Variants in AGAP1 observed in about 807,000 individuals in gnomAD.
AGAP1 encodes ArfGAP with GTPase domain, ankyrin repeat and PH domain 1.
Under a neutral mutation model 105.3 loss-of-function variants are expected in AGAP1, and 29 were observed. The ratio of observed to expected loss-of-function variants is 0.28; its 90% confidence interval spans 0.21 to 0.38. The LOEUF (loss-of-function observed/expected upper bound fraction) is 0.38. Ranked by LOEUF, AGAP1 falls within the 10% of genes least tolerant of loss-of-function variation. AGAP1 has a pLI of 1.00. For synonymous variants in AGAP1, 509 were observed against 485.9 expected (o/e 1.05, Z -0.63); for missense variants, 998 against 1,165.1 (o/e 0.86, Z 2.09).
At chr2:235,773,600 C>T (rs1026446537) in intron 6 of AGAP1, among the ~76,000 whole-genome samples, 8 of 152,156 alleles carry the variant, frequency 5.3e-5, no homozygotes, top group Admixed American at 3.9e-4. Flanking sequence ...CAGCGTGAAT[C>T]GGCCTTAGGT....
chr2:235,527,256 A>G (rs1942874442), intron 1 of AGAP1, among the ~76,000 whole-genome samples: 1 of 152,194 alleles, frequency 6.6e-6, no homozygotes, highest in Non-Finnish European at 1.5e-5. Context: ...GGCTGCTTAG[A>G]CATTTAAATT....
rs374000863 is a variant in AGAP1 at position 235,959,772 on chromosome 2, C to G, written c.1484-8690C>G. On this transcript the variant is annotated intron_variant, in intron 12 of 17. Transcript: ENST00000304032. The surrounding 1 kb of genome is among the most constrained non-coding windows in gnomAD (Gnocchi z 7.3). Reference sequence around the variant, plus strand: ...CCCACAGGCAAGCATCTGGAACTAGCACCAGAGCTTCCTCCTGTCAAAGCT... The same window carrying G: ...CCCACAGGCAAGCATCTGGAACTAGGACCAGAGCTTCCTCCTGTCAAAGCT... Among the ~76,000 whole-genome samples, 30 of 152,334 alleles carry G rather than the reference C, an allele frequency of 2.0e-4. No individual in the cohort carries two copies. In the East Asian group the frequency reaches 5.6e-3, roughly 28 times the overall value.
At chr2:235,853,230 G>C (rs1009560750) in intron 9 of AGAP1, 2 of 1,013,244 alleles carry the variant, frequency 2.0e-6, no homozygotes, top group Non-Finnish European at 2.4e-6. Flanking sequence ...GCGTTTTATA[G>C]ACTGGATGAG....
intron 1 of AGAP1, among the ~76,000 whole-genome samples, chr2:235,558,124 C>T (rs1944030247): frequency 6.6e-6 from 1 of 152,138 alleles, no homozygotes; most frequent in South Asian, 2.1e-4. Flanking sequence ...TGGAAGGGGC[C>T]TTTCTGTGTG....
Position 235,744,951 on chromosome 2 carries a change from C to A in AGAP1, c.538+112C>A. 7.5e-7 allele frequency: 1 copy of A among 1,324,946 alleles called. No homozygotes were observed. Among genetic ancestry groups the A allele is most frequent in the Non-Finnish European group, 1.0e-6 (1 of 980,768 alleles). 82.1% of individuals were successfully genotyped at this position (1,324,946 alleles called of 1,614,324 possible). ...AGAAGGAAAAATTGCCTACTGAACG[C>A]TCACTTTTTTGGGAAAAATTATGGA... is the stretch of plus-strand genomic sequence containing the variant. On this transcript the variant is annotated intron_variant, in intron 5 of 17. Transcript: ENST00000304032. This position sits in a 1 kb window ranked among gnomAD's most constrained non-coding sequence, Gnocchi z 5.2.
In AGAP1 at chr2:235,882,771, G is replaced by C. The variant is rs13399472; in HGVS notation, c.1051-574G>C. 6.6e-6 allele frequency among the ~76,000 whole-genome samples: 1 copy of C among 151,888 alleles called. No homozygotes were observed. The highest frequency in any genetic ancestry group is 1.5e-5 in the Non-Finnish European group (1 of 67,976). On this transcript the variant is annotated intron_variant, in intron 9 of 17. Coordinates refer to ENST00000304032, the MANE Select transcript of AGAP1 (RefSeq NM_001037131.3). The surrounding 1 kb of genome is among the most constrained non-coding windows in gnomAD (Gnocchi z 4.6). ...ATTACAGGCGTGAGCCACCGTGCCCGGCCTGGTTAATGCAGTTTTTTTAGT... is the reference window on the plus strand; with the variant it reads ...ATTACAGGCGTGAGCCACCGTGCCCCGCCTGGTTAATGCAGTTTTTTTAGT...
chr2:235,842,312 T>C lies in AGAP1; in HGVS notation c.1050+34981T>C, dbSNP rs1450262772. 2.0e-5 allele frequency among the ~76,000 whole-genome samples: 3 copies of C among 152,240 alleles called. No homozygotes were observed. Among genetic ancestry groups the C allele is most frequent in the Admixed American group, 2.0e-4 (3 of 15,288 alleles). On this transcript the variant is annotated intron_variant, in intron 9 of 17. Transcript: ENST00000304032. This position sits in a 1 kb window ranked among gnomAD's most constrained non-coding sequence, Gnocchi z 5.3. Reference sequence around the variant, plus strand: ...AGTTAACGTTTCCTTCAGATATGAATGTAGGCAACGATCCACAGTGGTGTT... The same window carrying C: ...AGTTAACGTTTCCTTCAGATATGAACGTAGGCAACGATCCACAGTGGTGTT...
chr2:235,920,502 G>A (rs1315786279), intron 11 of AGAP1, among the ~76,000 whole-genome samples: 1 of 151,968 alleles, frequency 6.6e-6, no homozygotes, highest in Non-Finnish European at 1.5e-5. Flanking sequence ...TGACAACATT[G>A]GCATCGCTCT....
rs1949610895 is a variant in AGAP1 at position 235,689,062 on chromosome 2, T to C, written c.164-20117T>C. 6.6e-6 allele frequency among the ~76,000 whole-genome samples: 1 copy of C among 152,148 alleles called. No homozygotes were observed. The highest frequency in any genetic ancestry group is 1.5e-5 in the Non-Finnish European group (1 of 68,024). On this transcript the variant is annotated intron_variant, in intron 1 of 17. Transcript: ENST00000304032. This position sits in a 1 kb window ranked among gnomAD's most constrained non-coding sequence, Gnocchi z 4.2. Reference sequence around the variant, plus strand: ...CCCATAAATCTATAAGATTGATTGATTGGTTATCTGTAGGAGACATCTACG... The same window carrying C: ...CCCATAAATCTATAAGATTGATTGACTGGTTATCTGTAGGAGACATCTACG...
rs955073593 is a variant in AGAP1, at chr2:235,789,421, A to G, written c.674-8338A>G. Among the ~76,000 whole-genome samples the G allele has an allele frequency of 6.6e-6, 1 of 152,182 alleles. No individual in the cohort carries two copies. Among genetic ancestry groups the G allele is most frequent in the Non-Finnish European group, 1.5e-5 (1 of 68,038 alleles). ...TAGCTTCATTTCCAGCAAATTAACA[A>G]CCCTAATAGGTAATTGCGACATAAA... On this transcript the variant is annotated intron_variant, in intron 6 of 17. Transcript: ENST00000304032. This position sits in a 1 kb window ranked among gnomAD's most constrained non-coding sequence, Gnocchi z 4.2.
At chr2:235,826,197 T>C (rs1959052762) in intron 9 of AGAP1, among the ~76,000 whole-genome samples, 1 of 152,198 alleles carries the variant, frequency 6.6e-6, no homozygotes. Flanking sequence ...TGGCATGCTC[T>C]TTATCCCTCA....
intron 6 of AGAP1, among the ~76,000 whole-genome samples, chr2:235,763,498 T>C (rs2149795396): frequency 6.6e-6 from 1 of 152,318 alleles, no homozygotes; most frequent in East Asian, 1.9e-4. Context: ...GATGAGTGCT[T>C]CCGTGCATGG....
intron 1 of AGAP1, among the ~76,000 whole-genome samples, chr2:235,685,455 T>A (rs1369204691): frequency 6.6e-6 from 1 of 151,062 alleles, no homozygotes; most frequent in African/African-American, 2.4e-5. Flanking sequence ...CACCTCGATA[T>A]CCTTTTCTGC....
At chr2:235,890,424 T>TTA (rs940976834) in intron 10 of AGAP1, among the ~76,000 whole-genome samples, 36 of 152,288 alleles carry the variant, frequency 2.4e-4, no homozygotes, top group African/African-American at 8.4e-4. Context: ...AGTGCTGGGA[T>TTA]TATAGGCATG....
At chr2:235,743,034 G>A (rs1952681521) in intron 4 of AGAP1, among the ~76,000 whole-genome samples, 1 of 152,156 alleles carries the variant, frequency 6.6e-6, no homozygotes, top group Non-Finnish European at 1.5e-5. Context: ...AGGCGTGGTG[G>A]CACGTGCCTG....
At chr2:235,501,654 C>T (rs888113506) in intron 1 of AGAP1, among the ~76,000 whole-genome samples, 2 of 152,120 alleles carry the variant, frequency 1.3e-5, no homozygotes, top group African/African-American at 4.8e-5. Flanking sequence ...TATTTTGCAT[C>T]CGTTTTTCCC....
chr2:235,937,235 C>T (rs539320529), intron 12 of AGAP1, among the ~76,000 whole-genome samples: 2 of 152,204 alleles, frequency 1.3e-5, no homozygotes, highest in African/African-American at 4.8e-5. Context: ...CTGCTCGGCT[C>T]GCCAGGCTGG....
At position 235,942,344 on chromosome 2, in the gene AGAP1, G is replaced by A. The variant is rs140040056; in HGVS notation, c.1483+11421G>A. 6.6e-3 allele frequency among the ~76,000 whole-genome samples: 1,010 copies of A among 152,182 alleles called. 8 individuals are homozygous for A. The highest frequency in any genetic ancestry group is 0.022 in the African/African-American group (926 of 41,508). On this transcript the variant is annotated intron_variant, in intron 12 of 17. Transcript: ENST00000304032. ...ATTTGCTTGGCCCAGTTTTTAATCA[G>A]GTCACTTCTCATGGGCCTCAAGGCA...
chr2:236,128,075 A>AAC lies in AGAP1; in HGVS notation c.*3953_*3954insAC, dbSNP rs1197820193. ...GAGGCTGTGATGGGCACGTTTGCCA[A>AAC]CCCCCCCCCCCCAGTAGAGCCCAGG... On this transcript the variant is annotated 3_prime_UTR_variant, in exon 18 of 18. Coordinates refer to ENST00000304032, the MANE Select transcript of AGAP1 (RefSeq NM_001037131.3). This position sits in a 1 kb window ranked among gnomAD's most constrained non-coding sequence, Gnocchi z 5.9. 7.8e-6 allele frequency: 1 copy of AAC among 128,976 alleles called. No individual in the cohort carries two copies. Among genetic ancestry groups the AAC allele is most frequent in the African/African-American group, 3.0e-5 (1 of 33,078 alleles). 8.0% of individuals were successfully genotyped at this position (128,976 alleles called of 1,614,324 possible). A position where few individuals can be genotyped will look rare whatever the true frequency, so the allele number is the denominator to read the frequency against.
Sources: gnomAD v4.1 joint callset for allele counts (sites outside exome capture counted in the v4.1 genomes callset) on GRCh38, gnomAD v4.1.1 for gene constraint, Gnocchi (gnomAD v3.1) non-coding constraint, MANE v1.5 for transcripts, NCBI Gene and HGNC (gene_info 2026-07-23, HGNC 2026-07-21) for gene names.